The following CADM2 variants were observed in gnomAD, a reference collection of about 807,000 sequenced individuals.
CADM2 encodes the protein cell adhesion molecule 2.
Under a neutral mutation model 49.8 loss-of-function variants are expected in CADM2, and 12 were observed. That is an observed-to-expected ratio of 0.24 (90% CI 0.15 to 0.39). The LOEUF is 0.39. Ranked by LOEUF, CADM2 falls within the 10% of genes least tolerant of loss-of-function variation. The probability of loss-of-function intolerance (pLI) is 1.00; values close to 1 mark genes in which losing one functional copy is unlikely to be tolerated. For synonymous variants in CADM2, 214 were observed against 175.4 expected (o/e 1.22, Z -1.74); for missense variants, 378 against 492.3 (o/e 0.77, Z 2.20).
At chr3:85,306,630 A>T (rs2044218393) in intron 1 of CADM2, among the ~76,000 whole-genome samples, 1 of 151,680 alleles carries the variant, frequency 6.6e-6, no homozygotes, top group South Asian at 2.1e-4. Flanking sequence ...AGCACTGTGG[A>T]TATACTATTG....
intron 3 of CADM2, among the ~76,000 whole-genome samples, chr3:85,861,274 T>C (rs2075523045): frequency 6.6e-6 from 1 of 152,190 alleles, no homozygotes; most frequent in Non-Finnish European, 1.5e-5. Context: ...TTCAGTCTAT[T>C]TCCAATTACA....
At chr3:85,470,802 G>C (rs1281163640) in intron 1 of CADM2, among the ~76,000 whole-genome samples, 1 of 152,032 alleles carries the variant, frequency 6.6e-6, no homozygotes, top group East Asian at 1.9e-4. Context: ...CTTAAAGGAA[G>C]GTTTCTTCAT....
chr3:85,027,101 TC>T (rs2034762519), intron 1 of CADM2, among the ~76,000 whole-genome samples: 1 of 130,460 alleles, frequency 7.7e-6, no homozygotes, highest in Non-Finnish European at 1.6e-5. Context: ...TGTTGCTTTT[TC>T]TTTTTCCTTT....
In CADM2 at chr3:85,344,219, C is replaced by CAA. The variant is rs544073309; in HGVS notation, c.62-382292_62-382291dup. The stretch of plus-strand genomic sequence containing the variant: ...TGAAACCCCATCTCTACTAAAAATA[C>CAA]AAAAAAAAAAAATTAGCTGGGCGTG... On this transcript the variant is annotated intron_variant, in intron 1 of 9. Coordinates refer to ENST00000383699, the MANE Select transcript of CADM2 (RefSeq NM_001167675.2). 6.4e-4 allele frequency among the ~76,000 whole-genome samples: 91 copies of CAA among 141,160 alleles called. 1 individual carries two copies. Among genetic ancestry groups the CAA allele is most frequent in the East Asian group, 4.7e-3 (23 of 4,852 alleles). The allele number at this position is 141,160 out of a possible 152,430, so 92.6% of individuals were successfully genotyped here. A position where few individuals can be genotyped will look rare whatever the true frequency, so the allele number is the denominator to read the frequency against.
intron 7 of CADM2, among the ~76,000 whole-genome samples, chr3:85,940,133 A>G (rs1410806282): frequency 7.6e-5 from 11 of 144,316 alleles, no homozygotes; most frequent in African/African-American, 2.6e-4. Flanking sequence ...AGCCTGGGCA[A>G]TATGGTGAAA....
At chr3:85,535,083 T>TC (rs2061396546) in intron 1 of CADM2, among the ~76,000 whole-genome samples, 1 of 104,422 alleles carries the variant, frequency 9.6e-6, no homozygotes, top group Non-Finnish European at 2.4e-5. Context: ...CTCAGTAATT[T>TC]GAGTTCATTT....
Position 85,723,581 on chromosome 3 carries a change from C to T in CADM2, c.62-2941C>T, listed in dbSNP as rs189876308. ...ATTAACCTAGTCTAGTATTAGCTGC[C>T]GGCATACAGAAACAGGCATAGAGCT... is the stretch of plus-strand genomic sequence containing the variant. On this transcript the variant is annotated intron_variant, in intron 1 of 9. Transcript: ENST00000383699. 9.4e-4 allele frequency among the ~76,000 whole-genome samples: 143 copies of T among 152,114 alleles called. 2 individuals are homozygous for T. The highest frequency in any genetic ancestry group is 5.2e-3 in the Admixed American group (79 of 15,270).
intron 1 of CADM2, among the ~76,000 whole-genome samples, chr3:85,587,296 C>T (rs1048614178): frequency 9.9e-5 from 15 of 152,010 alleles, no homozygotes; most frequent in African/African-American, 3.4e-4. Context: ...CATTATTTAT[C>T]GATCATAAAA....
chr3:85,499,559 TA>T (rs1432656703), intron 1 of CADM2, among the ~76,000 whole-genome samples: 1 of 151,466 alleles, frequency 6.6e-6, no homozygotes, highest in African/African-American at 2.4e-5. Flanking sequence ...AATGTATTAT[TA>T]AATAATCTAT....
intron 1 of CADM2, among the ~76,000 whole-genome samples, chr3:85,464,977 G>C (rs908260784): frequency 6.6e-6 from 1 of 151,992 alleles, no homozygotes; most frequent in African/African-American, 2.4e-5. Context: ...GTGAAACCCC[G>C]TCTCTACTGA....
chr3:85,068,012 C>T (rs540116252), intron 1 of CADM2, among the ~76,000 whole-genome samples: 67 of 152,186 alleles, frequency 4.4e-4, no homozygotes, highest in African/African-American at 1.6e-3. Flanking sequence ...ATAGAGACAG[C>T]TTATGCCAGT....
intron 1 of CADM2, among the ~76,000 whole-genome samples, chr3:85,509,281 G>A (rs2040502113): frequency 6.6e-6 from 1 of 152,092 alleles, no homozygotes; most frequent in Non-Finnish European, 1.5e-5. Context: ...TATAGTAGGG[G>A]AAAGTAGAAA....
At chr3:85,066,541 GCA>G (rs763736000) in intron 1 of CADM2, among the ~76,000 whole-genome samples, 20 of 151,018 alleles carry the variant, frequency 1.3e-4, no homozygotes, top group East Asian at 1.9e-4. Context: ...GCACCTGCAC[GCA>G]CACACACACA....
At chr3:85,038,618 C>T (rs982421055) in intron 1 of CADM2, among the ~76,000 whole-genome samples, 7 of 152,178 alleles carry the variant, frequency 4.6e-5, no homozygotes, top group Non-Finnish European at 1.0e-4. Flanking sequence ...GAGATTTATA[C>T]ATTCCTGAAC....
intron 1 of CADM2, among the ~76,000 whole-genome samples, chr3:85,171,438 T>C (rs1448172086): frequency 5.3e-5 from 8 of 152,226 alleles, no homozygotes; most frequent in Non-Finnish European, 7.3e-5. Context: ...AATGGAATAA[T>C]GCATATTTTT....
intron 1 of CADM2, among the ~76,000 whole-genome samples, chr3:85,235,035 TTCTC>T (rs577914965): frequency 3.0e-4 from 46 of 152,020 alleles, no homozygotes; most frequent in Non-Finnish European, 6.0e-4. Context: ...CTCTCTCTCT[TTCTC>T]TCTCTGTCTC....
chr3:85,384,577 C>T (rs1440678425), intron 1 of CADM2, among the ~76,000 whole-genome samples: 1 of 151,806 alleles, frequency 6.6e-6, no homozygotes, highest in Non-Finnish European at 1.5e-5. Flanking sequence ...GCCTCCCAAA[C>T]TGCTGTGTTT....
chr3:85,278,858 T>C (rs2043425493), intron 1 of CADM2, among the ~76,000 whole-genome samples: 1 of 151,426 alleles, frequency 6.6e-6, no homozygotes, highest in Admixed American at 6.6e-5. Context: ...TGGGAATGTT[T>C]CTGACTTAAT....
rs997483598 is a variant in CADM2 at position 85,353,548 on chromosome 3, T to G, written c.62-372974T>G. ...TTCTTTAGTTGATGGTTTCTTTTTTTTTGTTTTTTTTTTGCAGTGAGTTAT... is the reference window on the plus strand; with the variant it reads ...TTCTTTAGTTGATGGTTTCTTTTTTGTTGTTTTTTTTTTGCAGTGAGTTAT... On this transcript the variant is annotated intron_variant, in intron 1 of 9. Transcript: ENST00000383699. 7.9e-5 allele frequency among the ~76,000 whole-genome samples: 12 copies of G among 151,670 alleles called. No individual in the cohort carries two copies. In the South Asian group the frequency reaches 1.4e-3, roughly 18 times the overall value.
Sources: gnomAD v4.1 joint callset for allele counts (sites outside exome capture counted in the v4.1 genomes callset) on GRCh38, gnomAD v4.1.1 for gene constraint, MANE v1.5 for transcripts, NCBI Gene and HGNC (gene_info 2026-07-23, HGNC 2026-07-21) for gene names.